Variants in AATK observed in about 807,000 individuals in gnomAD.
The protein encoded by AATK is serine/threonine-protein kinase LMTK1.
AATK carries 91 observed loss-of-function variants against 114.3 expected under a neutral mutation model. The observed-to-expected ratio is 0.80, with a 90% CI of 0.67 to 0.95. The LOEUF (loss-of-function observed/expected upper bound fraction) is 0.95. AATK is among the 40% of genes least tolerant of loss of function. The pLI is 0.00. For synonymous variants in AATK, 1,075 were observed against 916.5 expected (o/e 1.17, Z -3.12); for missense variants, 2,176 against 1,965.2 (o/e 1.11, Z -2.03).
At chr17:81,130,791 G>A (rs2060919040) in intron 3 of AATK, among the ~76,000 whole-genome samples, 2 of 152,158 alleles carry the variant, frequency 1.3e-5, no homozygotes, top group African/African-American at 4.8e-5. Context: ...AGGGGAGGCT[G>A]GAGGCCGAGG....
intron 1 of AATK, among the ~76,000 whole-genome samples, chr17:81,146,434 G>A (rs1029300931): frequency 7.3e-5 from 11 of 151,700 alleles, no homozygotes; most frequent in Middle Eastern, 3.2e-3. Context: ...TGCCCAACCC[G>A]GCAGGGCACG....
intron 1 of AATK, among the ~76,000 whole-genome samples, chr17:81,144,738 A>G (rs1437483562): frequency 1.3e-5 from 2 of 152,274 alleles, no homozygotes; most frequent in African/African-American, 4.8e-5. Flanking sequence ...TACGAAGTCC[A>G]GCGTGCTGGT....
intron 7 of AATK, among the ~76,000 whole-genome samples, chr17:81,125,633 G>A (rs192598219): frequency 1.1e-4 from 17 of 152,138 alleles, no homozygotes; most frequent in South Asian, 4.1e-4. Flanking sequence ...GGCTGGTCAC[G>A]TGGGTGTGAG....
intron 1 of AATK, among the ~76,000 whole-genome samples, chr17:81,137,891 C>A (rs979436127): frequency 2.0e-5 from 3 of 151,522 alleles, no homozygotes; most frequent in East Asian, 3.9e-4. Flanking sequence ...CAGGCATATA[C>A]CCACGTGCAC....
chr17:81,137,901 C>G (rs1286680016), intron 1 of AATK, among the ~76,000 whole-genome samples: 4 of 145,122 alleles, frequency 2.8e-5, no homozygotes, highest in Non-Finnish European at 1.5e-5. Flanking sequence ...CCCACGTGCA[C>G]ATACACACGG....
At chr17:81,122,897 G>C (rs1291028230) in intron 10 of AATK, 74 bp from the exon 11 acceptor site, 16 of 1,311,174 alleles carry the variant, frequency 1.2e-5, no homozygotes, top group Non-Finnish European at 1.3e-5. Context: ...CAGGGATGGG[G>C]GTTCCCCTAA....
chr17:81,128,780 TG>T, intron 3 of AATK: 1 of 1,332,028 alleles, frequency 7.5e-7, no homozygotes, highest in Non-Finnish European at 9.7e-7. Flanking sequence ...GGCATCTTTC[TG>T]GGTAGGTCTG....
chr17:81,139,675 C>T (rs1018421769), intron 1 of AATK, among the ~76,000 whole-genome samples: 1 of 152,156 alleles, frequency 6.6e-6, no homozygotes, highest in Non-Finnish European at 1.5e-5. Context: ...AAGGTCACTT[C>T]AAAGCACACC....
Position 81,119,412 on chromosome 17 carries a change from T to TGCGTGATGGAGAAGCGGG in AATK, c.4034_4051dup (p.Thr1350_His1351insProArgPheSerIleThr), listed in dbSNP as rs2060658467. 2 of 1,545,916 alleles carry TGCGTGATGGAGAAGCGGG rather than the reference T, an allele frequency of 1.3e-6. No individual in the cohort carries two copies. Among genetic ancestry groups the TGCGTGATGGAGAAGCGGG allele is most frequent in the African/African-American group, 2.9e-5 (2 of 68,888 alleles). On this transcript the variant is annotated inframe_insertion, in exon 13 of 14. Transcript: ENST00000326724. ...GGACTCGGCGTCCGAGTCAGACACG[T>TGCGTGATGGAGAAGCGGG]GCGTGATGGAGAAGCGGGACGTGGG...
At position 81,154,712 on chromosome 17, in the gene AATK, C is replaced by G. The variant is rs1395846015; in HGVS notation, c.55+11226G>C. Among the ~76,000 whole-genome samples, 3 of 143,288 alleles carry G rather than the reference C, an allele frequency of 2.1e-5. No homozygotes were observed. In the East Asian group the frequency reaches 6.1e-4, roughly 29 times the overall value. The allele number at this position is 143,288 out of a possible 152,430, so 94.0% of individuals were successfully genotyped here. On this transcript the variant is annotated intron_variant, in intron 1 of 13. Coordinates refer to ENST00000326724, the MANE Select transcript of AATK (RefSeq NM_001080395.3). ...TGGCACAATCTCGGCTCACTGCAAC[C>G]TCCACCTCCCAGGTTCAAGCAATTC...
intron 1 of AATK, among the ~76,000 whole-genome samples, chr17:81,145,268 A>C (rs2061201046): frequency 3.2e-5 from 1 of 30,922 alleles, no homozygotes; most frequent in Non-Finnish European, 8.7e-5. Flanking sequence ...AAAAAGAAAA[A>C]AGAAAAAAAT....
At position 81,120,188 on chromosome 17, in the gene AATK, G is replaced by T; in HGVS notation, c.3735+13C>A. 6.4e-7 allele frequency: 1 copy of T among 1,555,226 alleles called. No individual in the cohort carries two copies. Among genetic ancestry groups the T allele is most frequent in the African/African-American group, 1.4e-5 (1 of 73,208 alleles). ...CCCCAGCCCCGGGCAGACCCCGGGT[G>T]GCGGCGGCCCACCTGGTCAAAGAGG... On this transcript the variant is annotated intron_variant, in intron 11 of 13. Coordinates refer to ENST00000326724, the MANE Select transcript of AATK (RefSeq NM_001080395.3).
Position 81,120,601 on chromosome 17 carries a change from C to T in AATK, c.3335G>A (p.Gly1112Asp), listed in dbSNP as rs754917385. 1.9e-5 allele frequency: 30 copies of T among 1,549,722 alleles called. No individual in the cohort carries two copies. Among genetic ancestry groups the T allele is most frequent in the Non-Finnish European group, 2.4e-5 (28 of 1,151,176 alleles). Residue 1112 changes from glycine to aspartate, a missense_variant, in exon 11 of 14, where the codon GGC (glycine) becomes GAC (aspartate). This residue lies in a region of AATK where 1,701 missense variants were observed against 1,394.7 expected (regional missense o/e 1.22). Transcript: ENST00000326724. The part of the protein sequence containing the change: ...LLTPVPLRSE[G>D]NSSEFQGPPG... The stretch of plus-strand genomic sequence containing the variant: ...GGGCCCCTGGAACTCAGAGCTGTTG[C>T]CTTCTGATCTCAGCGGAACCGGGGT...
At chr17:81,151,203 CAG>C (rs1360604947) in intron 1 of AATK, among the ~76,000 whole-genome samples, 3 of 152,068 alleles carry the variant, frequency 2.0e-5, no homozygotes, top group Non-Finnish European at 2.9e-5. Context: ...AGCAGAGACA[CAG>C]AGTCACTTTT....
At chr17:81,142,750 C>T (rs149770578) in intron 1 of AATK, among the ~76,000 whole-genome samples, 296 of 152,308 alleles carry the variant, frequency 1.9e-3, no homozygotes, top group African/African-American at 6.7e-3. Flanking sequence ...CTGTGAGCCT[C>T]CCTGAGCAGT....
chr17:81,127,080 GA>G (rs1160994422), intron 6 of AATK, among the ~76,000 whole-genome samples: 2 of 142,006 alleles, frequency 1.4e-5, no homozygotes, highest in African/African-American at 2.6e-5. Context: ...GGGGGAGGGG[GA>G]GACGGGTCCC....
At chr17:81,136,933 C>T (rs528423690) in intron 1 of AATK, among the ~76,000 whole-genome samples, 99 of 152,224 alleles carry the variant, frequency 6.5e-4, no homozygotes, top group Non-Finnish European at 1.3e-3. Context: ...AGCGGCTGTC[C>T]GAAGCTCCAG....
chr17:81,134,416 G>C lies in AATK; in HGVS notation c.141C>G (p.Val47=). ...VSFSGLFAVI[V]LMLACLCCKK... ...TACAGCACAGGCAGGCCAGCATGAG[G>C]ACGATGACGGCGAAGAGCCCGGAGA... is the stretch of plus-strand genomic sequence containing the variant. Residue 47 remains valine, a synonymous_variant, in exon 2 of 14, where the codon GTC becomes GTG. Coordinates refer to ENST00000326724, the MANE Select transcript of AATK (RefSeq NM_001080395.3). 2 of 1,613,322 alleles carry C rather than the reference G, an allele frequency of 1.2e-6. No homozygotes were observed. The highest frequency in any genetic ancestry group is 1.7e-6 in the Non-Finnish European group (2 of 1,179,824).
At position 81,126,830 on chromosome 17, in the gene AATK, G is replaced by C. The variant is rs1263055110; in HGVS notation, c.622-270C>G. Reference sequence around the variant, plus strand: ...GGAGTCCCTTGGCCTGTGGTAGAGAGAGAAACACAGGGCCCAAGTGGATCT... The same window carrying C: ...GGAGTCCCTTGGCCTGTGGTAGAGACAGAAACACAGGGCCCAAGTGGATCT... On this transcript the variant is annotated intron_variant, in intron 6 of 13. Transcript: ENST00000326724. The surrounding 1 kb of genome is among the most constrained non-coding windows in gnomAD (Gnocchi z 5.1). 1.5e-6 allele frequency: 2 copies of C among 1,299,598 alleles called. No individual in the cohort carries two copies. The highest frequency in any genetic ancestry group is 3.5e-5 in the Admixed American group (1 of 28,978). 80.5% of individuals were successfully genotyped at this position (1,299,598 alleles called of 1,614,324 possible). A position where few individuals can be genotyped will look rare whatever the true frequency, so the allele number is the denominator to read the frequency against.
Sources: gnomAD v4.1 joint callset for allele counts (sites outside exome capture counted in the v4.1 genomes callset) on GRCh38, gnomAD v4.1.1 for gene constraint, gnomAD v4.1.1 regional missense constraint, Gnocchi (gnomAD v3.1) non-coding constraint, MANE v1.5 for transcripts, NCBI Gene and HGNC (gene_info 2026-07-23, HGNC 2026-07-21) for gene names.